The following ABHD17B variants were observed in gnomAD, a reference collection of about 807,000 sequenced individuals.
ABHD17B encodes alpha/beta hydrolase domain-containing protein 17B.
A neutral mutation model predicts 26.2 loss-of-function variants in ABHD17B; 9 were observed. That is an observed-to-expected ratio of 0.34 (90% CI 0.21 to 0.60). The LOEUF (loss-of-function observed/expected upper bound fraction) is 0.60, where lower values mean the gene tolerates loss of function less well. Among genes scored for constraint, ABHD17B ranks in the 20% least tolerant of loss-of-function variants. The pLI, the probability that ABHD17B is intolerant of heterozygous loss-of-function variation, is 0.80. For missense variants in ABHD17B, 224 were observed against 352.1 expected, an observed-to-expected ratio of 0.64 and a Z score of 2.91; for synonymous variants, 127 against 122.3, an observed-to-expected ratio of 1.04 and a Z score of -0.25.
At chr9:71,868,839 T>C (rs995965652) in intron 3 of ABHD17B, among the ~76,000 whole-genome samples, 1 of 152,068 alleles carries the variant, frequency 6.6e-6, no homozygotes, top group African/African-American at 2.4e-5. Flanking sequence ...CAGGCACGCA[T>C]CACCATGCCT....
Position 71,866,766 on chromosome 9 carries a change from G to A in ABHD17B, c.*21C>T, listed in dbSNP as rs879701112. The A allele has an allele frequency of 2.5e-6, 4 of 1,612,768 alleles. No individual in the cohort carries two copies. Among genetic ancestry groups the A allele is most frequent in the Non-Finnish European group, 3.4e-6 (4 of 1,179,366 alleles). Reference sequence around the variant, plus strand: ...CAGTTCAGCAAGAAAGGAAAACCCAGTAGCAAATTTACAGAATATTTTACA... The same window carrying A: ...CAGTTCAGCAAGAAAGGAAAACCCAATAGCAAATTTACAGAATATTTTACA... On this transcript the variant is annotated 3_prime_UTR_variant, in exon 4 of 4. Transcript: ENST00000333421.
At chr9:71,867,661 T>A (rs1174474720) in intron 3 of ABHD17B, among the ~76,000 whole-genome samples, 1 of 152,114 alleles carries the variant, frequency 6.6e-6, no homozygotes, top group South Asian at 2.1e-4. Flanking sequence ...TATACAGGAT[T>A]TTTGCAAAGT....
chr9:71,879,230 T>C (rs147667751), intron 1 of ABHD17B, among the ~76,000 whole-genome samples: 20 of 152,026 alleles, frequency 1.3e-4, no homozygotes, highest in African/African-American at 4.8e-4. Flanking sequence ...ATATGAGAAA[T>C]AAAGGAGAAT....
intron 1 of ABHD17B, among the ~76,000 whole-genome samples, chr9:71,897,470 C>T (rs1303658064): frequency 2.6e-5 from 4 of 152,278 alleles, no homozygotes; most frequent in South Asian, 4.1e-4. Flanking sequence ...GAGCCATGAT[C>T]GTGCCACTGC....
chr9:71,880,043 T>C (rs1041267066), intron 1 of ABHD17B, among the ~76,000 whole-genome samples: 37 of 152,168 alleles, frequency 2.4e-4, no homozygotes, highest in African/African-American at 8.4e-4. Flanking sequence ...GCTACAGACA[T>C]AGTTTCTAGA....
At chr9:71,868,894 G>A (rs1212566491) in intron 3 of ABHD17B, among the ~76,000 whole-genome samples, 1 of 152,034 alleles carries the variant, frequency 6.6e-6, no homozygotes, top group Non-Finnish European at 1.5e-5. Flanking sequence ...TCACCATGTT[G>A]GCCAGGCTGG....
chr9:71,893,531 G>C (rs1197227217), intron 1 of ABHD17B, among the ~76,000 whole-genome samples: 1 of 152,212 alleles, frequency 6.6e-6, no homozygotes, highest in Non-Finnish European at 1.5e-5. Context: ...GGAAGGGGAT[G>C]CCACCCTCCA....
At chr9:71,909,767 A>T (rs1827390454) in intron 1 of ABHD17B, among the ~76,000 whole-genome samples, 1 of 152,222 alleles carries the variant, frequency 6.6e-6, no homozygotes, top group South Asian at 2.1e-4. Flanking sequence ...TCCGTTATTC[A>T]TCCTTTTGCT....
At chr9:71,863,486 A>T (rs1383301439), downstream of ABHD17B, among the ~76,000 whole-genome samples, 1 of 152,248 alleles carries the variant, frequency 6.6e-6, no homozygotes, top group Non-Finnish European at 1.5e-5. Flanking sequence ...AACCATAGGT[A>T]AGCTCTCAGG....
chr9:71,875,206 T>C lies in ABHD17B; in HGVS notation c.-3-123A>G, dbSNP rs531188858. On this transcript the variant is annotated intron_variant, in intron 1 of 3. Coordinates refer to ENST00000333421, the MANE Select transcript of ABHD17B (RefSeq NM_001025780.3). The stretch of plus-strand genomic sequence containing the variant: ...TTAATGACTATTACTATTTTAGGTA[T>C]GATTCCAAACAGATTTTTGGCTTCT... 14 of 784,144 alleles carry C rather than the reference T, an allele frequency of 1.8e-5. No homozygotes were observed. In the East Asian group the frequency reaches 3.5e-4, roughly 20 times the overall value. 48.6% of individuals were successfully genotyped at this position (784,144 alleles called of 1,614,324 possible). A position where few individuals can be genotyped will look rare whatever the true frequency, so the allele number is the denominator to read the frequency against.
chr9:71,883,311 A>G (rs1826506270), intron 1 of ABHD17B, among the ~76,000 whole-genome samples: 1 of 152,224 alleles, frequency 6.6e-6, no homozygotes, highest in African/African-American at 2.4e-5. Flanking sequence ...ATTAAGACAC[A>G]CTGCACAAAG....
At chr9:71,891,911 T>C (rs1023408468) in intron 1 of ABHD17B, among the ~76,000 whole-genome samples, 8 of 152,206 alleles carry the variant, frequency 5.3e-5, no homozygotes, top group Non-Finnish European at 1.2e-4. Flanking sequence ...AGTAAATTCT[T>C]CTAGTGAGAT....
At chr9:71,881,910 GA>G (rs79743924) in intron 1 of ABHD17B, among the ~76,000 whole-genome samples, 26 of 137,502 alleles carry the variant, frequency 1.9e-4, no homozygotes, top group South Asian at 7.1e-4. Context: ...AAAAAAAAAG[GA>G]AAAAAAAAAA....
At chr9:71,879,476 C>T (rs1214398759) in intron 1 of ABHD17B, among the ~76,000 whole-genome samples, 1 of 152,086 alleles carries the variant, frequency 6.6e-6, no homozygotes, top group Non-Finnish European at 1.5e-5. Context: ...AAGCATGACT[C>T]TTAATAAGTC....
chr9:71,869,933 C>T (rs1826062580), intron 3 of ABHD17B, 150 bp downstream of exon 3: 1 of 730,184 alleles, frequency 1.4e-6, no homozygotes, highest in Non-Finnish European at 2.1e-6. Context: ...CTGCTAATAC[C>T]CTCTTTACAA....
intron 1 of ABHD17B, among the ~76,000 whole-genome samples, chr9:71,879,342 T>C (rs1826372701): frequency 6.6e-6 from 1 of 152,206 alleles, no homozygotes; most frequent in African/African-American, 2.4e-5. Flanking sequence ...TTGGTGAATA[T>C]GAATACGAAG....
chr9:71,905,107 T>TA (rs1217218085), intron 1 of ABHD17B, among the ~76,000 whole-genome samples: 1 of 151,800 alleles, frequency 6.6e-6, no homozygotes, highest in Non-Finnish European at 1.5e-5. Context: ...AAATGCATGC[T>TA]AAAGAGTGGA....
chr9:71,868,508 T>C (rs1161555997), intron 3 of ABHD17B, among the ~76,000 whole-genome samples: 1 of 152,102 alleles, frequency 6.6e-6, no homozygotes, highest in Non-Finnish European at 1.5e-5. Context: ...AAAGGTATTA[T>C]AATAAACATA....
chr9:71,901,841 CT>C (rs952676201), intron 1 of ABHD17B, among the ~76,000 whole-genome samples: 7 of 152,188 alleles, frequency 4.6e-5, no homozygotes, highest in East Asian at 1.9e-4. Context: ...TCATACCCCC[CT>C]AATCCATGCT....
Sources: allele counts gnomAD v4.1 joint callset (sites outside exome capture counted in the v4.1 genomes callset), GRCh38; gene constraint gnomAD v4.1.1; transcripts MANE v1.5; gene names NCBI Gene and HGNC (gene_info 2026-07-23, HGNC 2026-07-21).